Variants in ZNF521 observed in about 807,000 individuals in gnomAD.
The protein encoded by ZNF521 is LYST-interacting protein 3.
ZNF521 carries 14 observed loss-of-function variants against 105.5 expected under a neutral mutation model. The ratio of observed to expected loss-of-function variants is 0.13; its 90% CI spans 0.09 to 0.21. The LOEUF is 0.21. Ranked by LOEUF, ZNF521 falls within the 10% of genes least tolerant of loss-of-function variation. The pLI is 1.00. For synonymous variants in ZNF521, 635 were observed against 606.0 expected, an observed-to-expected ratio of 1.05 and a Z score of -0.70; for missense variants, 1,233 against 1,629.7, an observed-to-expected ratio of 0.76 and a Z score of 4.19.
chr18:25,094,214 C>T (rs761322189), intron 5 of ZNF521, among the ~76,000 whole-genome samples: 3 of 152,070 alleles, frequency 2.0e-5, no homozygotes, highest in Non-Finnish European at 4.4e-5. Flanking sequence ...GAATTATGCA[C>T]ATTAGGATGT....
At chr18:25,098,359 A>G (rs2033896076) in intron 5 of ZNF521, among the ~76,000 whole-genome samples, 1 of 152,072 alleles carries the variant, frequency 6.6e-6, no homozygotes, top group Non-Finnish European at 1.5e-5. Flanking sequence ...CACATTCTGA[A>G]TCTAAACATG....
chr18:25,122,304 C>T (rs1344382661), intron 5 of ZNF521, among the ~76,000 whole-genome samples: 1 of 152,092 alleles, frequency 6.6e-6, no homozygotes, highest in Non-Finnish European at 1.5e-5. Context: ...GGGACAATTT[C>T]AAGTGGCTAA....
chr18:25,178,663 G>T (rs999097170), intron 5 of ZNF521, among the ~76,000 whole-genome samples: 4 of 152,114 alleles, frequency 2.6e-5, no homozygotes, highest in African/African-American at 9.7e-5. Context: ...AGAATACCTA[G>T]GCTAAGTCTT....
chr18:25,101,179 T>C (rs1156909840), intron 5 of ZNF521, among the ~76,000 whole-genome samples: 5 of 152,210 alleles, frequency 3.3e-5, no homozygotes, highest in East Asian at 1.9e-4. Flanking sequence ...CTAAATACAG[T>C]TGGCCCTAGA....
chr18:25,347,944 C>T (rs76047472), intron 2 of ZNF521, among the ~76,000 whole-genome samples: 4,004 of 152,264 alleles, frequency 0.026, 193 homozygotes, highest in African/African-American at 0.092. Flanking sequence ...CAGTGCAGAA[C>T]TTCATGTTTT....
At chr18:25,071,325 T>C (rs1464372264) in intron 7 of ZNF521, among the ~76,000 whole-genome samples, 2 of 152,190 alleles carry the variant, frequency 1.3e-5, no homozygotes, top group African/African-American at 4.8e-5. Context: ...AACCAAGTAT[T>C]TCCAGAAGTG....
intron 3 of ZNF521, among the ~76,000 whole-genome samples, chr18:25,271,638 G>C (rs973591971): frequency 2.0e-5 from 3 of 152,116 alleles, no homozygotes; most frequent in African/African-American, 4.8e-5. Flanking sequence ...TCTCATCTTT[G>C]ACAAACCTGA....
intron 3 of ZNF521, among the ~76,000 whole-genome samples, chr18:25,269,956 C>A (rs1316391699): frequency 6.6e-6 from 1 of 151,856 alleles, no homozygotes; most frequent in Non-Finnish European, 1.5e-5. Flanking sequence ...AGAACTGAAG[C>A]AGATGGAGAC....
intron 4 of ZNF521, among the ~76,000 whole-genome samples, chr18:25,212,797 AT>A (rs1034474124): frequency 1.3e-5 from 2 of 150,660 alleles, no homozygotes; most frequent in Non-Finnish European, 3.0e-5. Flanking sequence ...CTAAGTACCT[AT>A]TTTTTTCTCC....
At position 25,231,472 on chromosome 18, in the gene ZNF521, T is replaced by A. The variant is rs537733516; in HGVS notation, c.221-3775A>T. 2.2e-4 allele frequency: 33 copies of A among 152,320 alleles called. No homozygotes were observed. In the South Asian group the frequency reaches 6.6e-3, roughly 31 times the overall value. 9.4% of individuals were successfully genotyped at this position (152,320 alleles called of 1,614,324 possible). On this transcript the variant is annotated intron_variant, in intron 3 of 7. Coordinates refer to ENST00000361524, the MANE Select transcript of ZNF521 (RefSeq NM_015461.3). ...AAAAGGCAACAGAACACAGAGTACCTTTGTGACGTGAGCCATCAGCCCCTC... is the reference window on the plus strand; with the variant it reads ...AAAAGGCAACAGAACACAGAGTACCATTGTGACGTGAGCCATCAGCCCCTC...
intron 4 of ZNF521, among the ~76,000 whole-genome samples, chr18:25,219,443 G>A (rs1484490758): frequency 6.6e-6 from 1 of 152,218 alleles, no homozygotes; most frequent in Non-Finnish European, 1.5e-5. Context: ...GACCCACTGA[G>A]TTTGAAGTTC....
At chr18:25,256,661 C>A (rs1379888310) in intron 3 of ZNF521, among the ~76,000 whole-genome samples, 1 of 151,936 alleles carries the variant, frequency 6.6e-6, no homozygotes, top group Non-Finnish European at 1.5e-5. Flanking sequence ...GGGAAGGGAT[C>A]CCAGAGGCCA....
intron 3 of ZNF521, among the ~76,000 whole-genome samples, chr18:25,255,964 A>ATATATATGGCATATATATATATATCG (rs1908459411): frequency 8.0e-6 from 1 of 125,552 alleles, no homozygotes; most frequent in African/African-American, 3.2e-5. Context: ...TATATATCGT[A>ATATATATGGCATATATATATATATCG]TATATATATG....
intron 5 of ZNF521, among the ~76,000 whole-genome samples, chr18:25,184,340 T>G (rs1385460878): frequency 1.3e-5 from 2 of 152,178 alleles, no homozygotes; most frequent in Non-Finnish European, 2.9e-5. Context: ...AGAGATATAA[T>G]ATAGACTAAT....
At position 25,306,208 on chromosome 18, in the gene ZNF521, A is replaced by G. The variant is rs192541882; in HGVS notation, c.220+15800T>C. On this transcript the variant is annotated intron_variant, in intron 3 of 7. Coordinates refer to ENST00000361524, the MANE Select transcript of ZNF521 (RefSeq NM_015461.3). ...AGAAGATTGGTAAGAATTAATTACT[A>G]CTGAATGATTACATTGATTTTTTTT... Among the ~76,000 whole-genome samples, 20 of 152,274 alleles carry G rather than the reference A, an allele frequency of 1.3e-4. 1 individual carries two copies. Among genetic ancestry groups the G allele is most frequent in the Middle Eastern group, 3.4e-3 (1 of 294 alleles).
intron 7 of ZNF521, among the ~76,000 whole-genome samples, chr18:25,081,933 C>T (rs2144172381): frequency 6.6e-6 from 1 of 152,240 alleles, no homozygotes; most frequent in South Asian, 2.1e-4. Context: ...TTTCTGCCTT[C>T]AATGGTAAGG....
intron 4 of ZNF521, among the ~76,000 whole-genome samples, chr18:25,207,583 C>T (rs2036105444): frequency 6.6e-6 from 1 of 152,190 alleles, no homozygotes; most frequent in Admixed American, 6.5e-5. Flanking sequence ...CTTAAGCTCT[C>T]ACACCCAGCA....
Position 25,227,503 on chromosome 18 carries a change from T to C in ZNF521, c.415A>G (p.Ser139Gly). Reference sequence around the variant, plus strand: ...TTGAAAGGCAGTTTGTCACTGTGACTCTGCTCATGGTGCTTTAGGTAGCTG... The same window carrying C: ...TTGAAAGGCAGTTTGTCACTGTGACCCTGCTCATGGTGCTTTAGGTAGCTG... ...RLSYLKHHEQ[S>G]HSDKLPFKCT... The change falls in exon 4 of 8, where the codon AGT (serine) becomes GGT (glycine). Residue 139 changes from serine to glycine, a missense_variant. Transcript: ENST00000361524. This position sits in a 1 kb window ranked among gnomAD's most constrained non-coding sequence, Gnocchi z 5.7. The C allele has an allele frequency of 6.2e-7, 1 of 1,614,180 alleles. No homozygotes were observed. The highest frequency in any genetic ancestry group is 8.5e-7 in the Non-Finnish European group (1 of 1,180,020).
rs770729875 is a variant in ZNF521, at chr18:25,322,206, G to C, written c.41-19C>G. ...TTGGGGTCTGAAAAATATCAACACT[G>C]TAAGTATGGGGTTTAAAGACAGGTT... On this transcript the variant is annotated intron_variant, in intron 2 of 7. Coordinates refer to ENST00000361524, the MANE Select transcript of ZNF521 (RefSeq NM_015461.3). 1 of 1,611,408 alleles carries C rather than the reference G, an allele frequency of 6.2e-7. No homozygotes were observed. Among genetic ancestry groups the C allele is most frequent in the South Asian group, 1.1e-5 (1 of 91,014 alleles).
Sources: allele counts gnomAD v4.1 joint callset (sites outside exome capture counted in the v4.1 genomes callset), GRCh38; gene constraint gnomAD v4.1.1; non-coding constraint Gnocchi (gnomAD v3.1); transcripts MANE v1.5; gene names NCBI Gene and HGNC (gene_info 2026-07-23, HGNC 2026-07-21).